Variants in SETBP1 observed in about 807,000 individuals in gnomAD.
SETBP1 encodes the protein SET binding protein 1, also known as SET-binding protein.
A neutral mutation model predicts 101.0 loss-of-function variants in SETBP1; 9 were observed. The observed-to-expected ratio is 0.09, with a 90% CI of 0.05 to 0.16. The LOEUF (loss-of-function observed/expected upper bound fraction) is 0.16, where lower values mean the gene tolerates loss of function less well. Ranked by LOEUF, SETBP1 falls within the 10% of genes least tolerant of loss-of-function variation. SETBP1 has a pLI of 1.00. For missense variants in SETBP1, 1,858 were observed against 2,033.8 expected (o/e 0.91, Z 1.66); for synonymous variants, 818 against 788.5 (o/e 1.04, Z -0.63).
chr18:44,794,085 A>G (rs2071420390), intron 2 of SETBP1, among the ~76,000 whole-genome samples: 1 of 152,222 alleles, frequency 6.6e-6, no homozygotes, highest in Non-Finnish European at 1.5e-5. Flanking sequence ...AGGTAAATGT[A>G]AAGATAATAA....
At chr18:44,786,740 G>T (rs990517137) in intron 2 of SETBP1, among the ~76,000 whole-genome samples, 5 of 152,190 alleles carry the variant, frequency 3.3e-5, no homozygotes. Context: ...TTTGGATCTT[G>T]CTTTTTTCTC....
intron 3 of SETBP1, among the ~76,000 whole-genome samples, chr18:44,891,909 A>C (rs1007936589): frequency 1.3e-5 from 2 of 152,140 alleles, no homozygotes; most frequent in African/African-American, 4.8e-5. Flanking sequence ...ACGTTTGAAC[A>C]TTGCTTTTTA....
intron 2 of SETBP1, among the ~76,000 whole-genome samples, chr18:44,789,432 T>A (rs2071321967): frequency 6.6e-6 from 1 of 152,220 alleles, no homozygotes. Context: ...AGTACAAACA[T>A]GCCCTCTTGA....
chr18:45,016,895 T>C (rs1342874502), intron 4 of SETBP1, among the ~76,000 whole-genome samples: 1 of 151,880 alleles, frequency 6.6e-6, no homozygotes, highest in African/African-American at 2.4e-5. Context: ...CAGGAGCCTT[T>C]TATTGTTCAA....
At chr18:44,842,637 G>A (rs2072640634) in intron 2 of SETBP1, among the ~76,000 whole-genome samples, 2 of 152,160 alleles carry the variant, frequency 1.3e-5, no homozygotes, top group African/African-American at 2.4e-5. Context: ...CTACAGATTC[G>A]CAAAAGGGAA....
intron 2 of SETBP1, among the ~76,000 whole-genome samples, chr18:44,805,468 C>T (rs975824967): frequency 4.0e-5 from 6 of 151,292 alleles, no homozygotes; most frequent in African/African-American, 9.7e-5. Context: ...CTTCCTTCAC[C>T]GTCTCAAAAC....
At chr18:44,727,008 G>A (rs2069722341) in intron 2 of SETBP1, among the ~76,000 whole-genome samples, 1 of 152,030 alleles carries the variant, frequency 6.6e-6, no homozygotes, top group African/African-American at 2.4e-5. Flanking sequence ...TAAAAGAGGT[G>A]GACAGCTTTT....
chr18:44,929,154 G>A (rs919254114), intron 3 of SETBP1, among the ~76,000 whole-genome samples: 6 of 152,224 alleles, frequency 3.9e-5, no homozygotes, highest in African/African-American at 1.4e-4. Context: ...TCTACATATG[G>A]CTAGCCAGTT....
chr18:44,983,651 TA>T (rs1225696613), intron 4 of SETBP1, among the ~76,000 whole-genome samples: 1 of 152,174 alleles, frequency 6.6e-6, no homozygotes, highest in Non-Finnish European at 1.5e-5. Flanking sequence ...CCAGAAATGG[TA>T]ATCAGCTCAT....
At chr18:45,056,930 C>T (rs530452034) in intron 5 of SETBP1, among the ~76,000 whole-genome samples, 1 of 152,146 alleles carries the variant, frequency 6.6e-6, no homozygotes. Context: ...TCACAATAAA[C>T]CCCTAAGAAT....
chr18:44,742,963 C>T lies in SETBP1; in HGVS notation c.486+41131C>T, dbSNP rs141628280. Among the ~76,000 whole-genome samples, 4 of 142,534 alleles carry T rather than the reference C, an allele frequency of 2.8e-5. No individual in the cohort carries two copies. The East Asian group carries it at 8.4e-4, about 30-fold the overall frequency. 93.5% of individuals were successfully genotyped at this position (142,534 alleles called of 152,430 possible). On this transcript the variant is annotated intron_variant, in intron 2 of 5. Transcript: ENST00000649279. ...TCTCCCTCCTTCTCTCTCTCTCTCT[C>T]TCTCTCTCCCCCCCTGTCCCGTTAC...
In SETBP1 at chr18:45,063,995, C is replaced by T; in HGVS notation, c.*297C>T. The T allele has an allele frequency of 3.1e-6, 1 of 325,310 alleles. No homozygotes were observed. Among genetic ancestry groups the T allele is most frequent in the East Asian group, 6.5e-5 (1 of 15,348 alleles). 20.2% of individuals were successfully genotyped at this position (325,310 alleles called of 1,614,324 possible). ...GCGGAAGGCCCCCAGGAGGAGCAGG[C>T]TGGTGGCACTCTCCTGACCTCACGC... On this transcript the variant is annotated 3_prime_UTR_variant, in exon 6 of 6. Transcript: ENST00000649279.
intron 2 of SETBP1, among the ~76,000 whole-genome samples, chr18:44,748,886 C>A (rs186314658): frequency 6.6e-6 from 1 of 152,124 alleles, no homozygotes; most frequent in African/African-American, 2.4e-5. Flanking sequence ...CAAGTTGACT[C>A]GCAGACAGGT....
intron 3 of SETBP1, among the ~76,000 whole-genome samples, chr18:44,937,409 C>T (rs2070985780): frequency 6.8e-6 from 1 of 147,204 alleles, no homozygotes; most frequent in South Asian, 2.2e-4. Context: ...GAGCCGAGAT[C>T]CCGCCACTGC....
At chr18:44,737,765 AG>A (rs1193480100) in intron 2 of SETBP1, among the ~76,000 whole-genome samples, 1 of 152,242 alleles carries the variant, frequency 6.6e-6, no homozygotes, top group Non-Finnish European at 1.5e-5. Flanking sequence ...GTTCCAGAAC[AG>A]GGATTCTTAG....
chr18:44,901,346 T>A (rs2070040634), intron 3 of SETBP1, among the ~76,000 whole-genome samples: 1 of 152,180 alleles, frequency 6.6e-6, no homozygotes. Flanking sequence ...GAAAGAAAAA[T>A]AAAGTCAGCA....
At chr18:44,785,428 G>T (rs572417105) in intron 2 of SETBP1, among the ~76,000 whole-genome samples, 1 of 152,104 alleles carries the variant, frequency 6.6e-6, no homozygotes, top group Non-Finnish European at 1.5e-5. Flanking sequence ...ATGAGGTAGT[G>T]GATGTCACCT....
At chr18:45,042,734 C>T (rs1178363088) in intron 5 of SETBP1, among the ~76,000 whole-genome samples, 1 of 152,184 alleles carries the variant, frequency 6.6e-6, no homozygotes, top group African/African-American at 2.4e-5. Flanking sequence ...GTCTCAGAGG[C>T]ATAATGATTA....
intron 2 of SETBP1, among the ~76,000 whole-genome samples, chr18:44,729,399 C>G (rs2144386936): frequency 6.6e-6 from 1 of 152,282 alleles, no homozygotes; most frequent in Middle Eastern, 3.4e-3. Flanking sequence ...GTGACAGAGA[C>G]AGCATCAGAA....
Sources: gnomAD v4.1 joint callset for allele counts (sites outside exome capture counted in the v4.1 genomes callset) on GRCh38, gnomAD v4.1.1 for gene constraint, MANE v1.5 for transcripts, NCBI Gene and HGNC (gene_info 2026-07-23, HGNC 2026-07-21) for gene names.